Variants in INPP4A observed in about 807,000 individuals in gnomAD.
The protein encoded by INPP4A is inositol polyphosphate-4-phosphatase, type I, 107kD.
In INPP4A, 33 loss-of-function variants were observed where a neutral mutation model predicts 119.8. The ratio of observed to expected loss-of-function variants is 0.28; its 90% confidence interval spans 0.21 to 0.37. INPP4A has a LOEUF of 0.37. Among genes scored for constraint, INPP4A ranks in the 10% least tolerant of loss-of-function variants. The pLI is 1.00. For synonymous variants in INPP4A, 496 were observed against 500.7 expected (o/e 0.99, Z 0.12); for missense variants, 956 against 1,289.9 (o/e 0.74, Z 3.97).
At chr2:98,513,696 C>T (rs1685564807) in intron 1 of INPP4A, among the ~76,000 whole-genome samples, 1 of 152,228 alleles carries the variant, frequency 6.6e-6, no homozygotes, top group Non-Finnish European at 1.5e-5. Flanking sequence ...AGTGGAGCCT[C>T]CAGTTTGCTG....
chr2:98,512,364 C>T (rs1219636776), intron 1 of INPP4A, among the ~76,000 whole-genome samples: 2 of 152,160 alleles, frequency 1.3e-5, no homozygotes, highest in Non-Finnish European at 2.9e-5. Flanking sequence ...ACAGGTTGAT[C>T]CAAGGGTTTA....
intron 1 of INPP4A, among the ~76,000 whole-genome samples, chr2:98,452,581 ACAGTGTGAACTAGC>A (rs113181673): frequency 0.015 from 2,358 of 152,324 alleles, 69 homozygotes; most frequent in African/African-American, 0.054. Context: ...TGGCCAGCCC[ACAGTGTGAACTAGC>A]CAGTGTTTAC....
chr2:98,493,006 C>G (rs994592801), intron 1 of INPP4A, among the ~76,000 whole-genome samples: 2 of 152,202 alleles, frequency 1.3e-5, no homozygotes, highest in African/African-American at 4.8e-5. Context: ...TGGTTTTATC[C>G]TGGAGCTTCA....
intron 19 of INPP4A, 87 bp from the exon 20 acceptor site, chr2:98,565,553 C>G (rs1037304635): frequency 1.4e-6 from 2 of 1,455,938 alleles, no homozygotes; most frequent in African/African-American, 2.9e-5. Flanking sequence ...CTGTCACAGC[C>G]AGGCCTGGGC....
intron 1 of INPP4A, among the ~76,000 whole-genome samples, chr2:98,461,402 CA>C (rs1697130411): frequency 6.6e-6 from 1 of 152,246 alleles, no homozygotes; most frequent in African/African-American, 2.4e-5. Flanking sequence ...TTGATTCTGT[CA>C]CCTGCAGGGG....
In INPP4A at chr2:98,514,398, G is replaced by A. The variant is rs538888272; in HGVS notation, c.-165-4566G>A. ...ATGCTAATGAGAGAATCTCTGGAGC[G>A]GTAAGAGTATATCTTTGTATGCTAA... On this transcript the variant is annotated intron_variant, in intron 1 of 24. Transcript: ENST00000409851. Among the ~76,000 whole-genome samples, 7 of 152,240 alleles carry A rather than the reference G, an allele frequency of 4.6e-5. No homozygotes were observed. In the East Asian group the frequency reaches 1.2e-3, roughly 25 times the overall value.
chr2:98,590,055 C>G lies in INPP4A; in HGVS notation c.*2447C>G, dbSNP rs1296039989. On this transcript the variant is annotated 3_prime_UTR_variant, in exon 25 of 25. Transcript: ENST00000409851. ...GTATTACTATATATATATAAACATA[C>G]AGTTACTGTTTTATATATTCTTAGG... is the stretch of plus-strand genomic sequence containing the variant. 2 of 190,594 alleles carry G rather than the reference C, an allele frequency of 1.0e-5. No individual in the cohort carries two copies. The highest frequency in any genetic ancestry group is 2.3e-5 in the African/African-American group (1 of 42,890). 11.8% of individuals were successfully genotyped at this position (190,594 alleles called of 1,614,324 possible). A position where few individuals can be genotyped will look rare whatever the true frequency, so the allele number is the denominator to read the frequency against.
chr2:98,579,445 T>C (rs936877005), intron 24 of INPP4A, among the ~76,000 whole-genome samples: 1 of 152,250 alleles, frequency 6.6e-6, no homozygotes, highest in Non-Finnish European at 1.5e-5. Context: ...GCAGTGAATA[T>C]CCTTATACAT....
At chr2:98,447,978 C>T (rs1694495526) in intron 1 of INPP4A, among the ~76,000 whole-genome samples, 1 of 141,778 alleles carries the variant, frequency 7.1e-6, no homozygotes, top group Non-Finnish European at 1.5e-5. Flanking sequence ...ACCTGGGAGG[C>T]GGATCTTGCA....
intron 1 of INPP4A, among the ~76,000 whole-genome samples, chr2:98,505,711 C>T (rs529139061): frequency 9.8e-5 from 15 of 152,310 alleles, no homozygotes; most frequent in Admixed American, 5.2e-4. Flanking sequence ...TCACCACAGA[C>T]GCCTGGGCTT....
intron 1 of INPP4A, among the ~76,000 whole-genome samples, chr2:98,474,874 T>A (rs1676879517): frequency 6.6e-6 from 1 of 152,148 alleles, no homozygotes; most frequent in Non-Finnish European, 1.5e-5. Flanking sequence ...AATCACTTAA[T>A]AAAAGCTTAT....
chr2:98,527,228 CCTA>C (rs1688348505), intron 4 of INPP4A, among the ~76,000 whole-genome samples: 1 of 152,120 alleles, frequency 6.6e-6, no homozygotes, highest in Non-Finnish European at 1.5e-5. Context: ...GGTTGGAGAT[CCTA>C]CAAAAAAGCC....
intron 24 of INPP4A, 26 bp from the exon 25 acceptor site, chr2:98,587,450 A>G: frequency 6.4e-7 from 1 of 1,551,334 alleles, no homozygotes; most frequent in South Asian, 1.2e-5. Context: ...TACTGCCGTC[A>G]TTTCTTGTGC....
At chr2:98,465,898 C>T (rs1361814992) in intron 1 of INPP4A, among the ~76,000 whole-genome samples, 1 of 152,136 alleles carries the variant, frequency 6.6e-6, no homozygotes, top group African/African-American at 2.4e-5. Flanking sequence ...CTCTAGCGCC[C>T]TCCCCCTTCC....
intron 4 of INPP4A, among the ~76,000 whole-genome samples, chr2:98,522,409 T>C (rs72821939): frequency 0.24 from 36,885 of 151,316 alleles, 4,628 homozygotes; most frequent in Middle Eastern, 0.35. Flanking sequence ...ACAAGAACAA[T>C]CTTAGAAGTT....
In INPP4A at chr2:98,455,702, G is replaced by GAC. The variant is rs146717074; in HGVS notation, c.-166+10629_-166+10630dup. 6.8e-4 allele frequency among the ~76,000 whole-genome samples: 104 copies of GAC among 152,286 alleles called. 2 individuals are homozygous for GAC. In the East Asian group the frequency reaches 0.01, roughly 15 times the overall value. On this transcript the variant is annotated intron_variant, in intron 1 of 24. Transcript: ENST00000409851. ...CTTGATTTAGTTGGCATTGGACTAA[G>GAC]ACACACACACACATACAAGTGTCTA...
At chr2:98,481,501 CT>C (rs1678459448) in intron 1 of INPP4A, among the ~76,000 whole-genome samples, 1 of 152,138 alleles carries the variant, frequency 6.6e-6, no homozygotes, top group African/African-American at 2.4e-5. Context: ...CTTTAGGGAG[CT>C]GCATTTGGCT....
At chr2:98,481,364 TG>T (rs1319811411) in intron 1 of INPP4A, among the ~76,000 whole-genome samples, 1 of 152,056 alleles carries the variant, frequency 6.6e-6, no homozygotes, top group African/African-American at 2.4e-5. Flanking sequence ...CCTATACCAG[TG>T]GGGGCTTGGT....
intron 1 of INPP4A, among the ~76,000 whole-genome samples, chr2:98,476,467 G>T (rs1461678342): frequency 6.6e-6 from 1 of 152,208 alleles, no homozygotes; most frequent in African/African-American, 2.4e-5. Flanking sequence ...TCGCTCTGGG[G>T]AAGAGCTCTC....
Sources: allele counts gnomAD v4.1 joint callset (sites outside exome capture counted in the v4.1 genomes callset), GRCh38; gene constraint gnomAD v4.1.1; transcripts MANE v1.5; gene names NCBI Gene and HGNC (gene_info 2026-07-23, HGNC 2026-07-21).